Variants in JRK observed in about 807,000 individuals in gnomAD.
JRK encodes the protein Jrk helix-turn-helix protein, also known as jerky protein homolog.
For missense variants in JRK, 720 were observed against 509.2 expected (o/e 1.41, Z -3.98); for synonymous variants, 303 against 218.1 (o/e 1.39, Z -3.43).
the JRK span, among the ~76,000 whole-genome samples, chr8:142,648,295 C>T: frequency 6.6e-6 from 1 of 152,226 alleles, no homozygotes; most frequent in African/African-American, 2.4e-5. Context: ...TGTTAATCCC[C>T]AAGACAATGG....
At position 142,661,394 on chromosome 8, in the gene JRK, G is replaced by A. The variant is rs1467898637; in HGVS notation, c.*2958C>T. ...TCCCAGAGTGGAGGCTGCCTGTCCC[G>A]AGTGAGGACACAGGAGCGCCCTCAG... On this transcript the variant is annotated 3_prime_UTR_variant, in exon 2 of 2. Transcript: ENST00000612905. 7 of 985,344 alleles carry A rather than the reference G, an allele frequency of 7.1e-6. No individual in the cohort carries two copies. The highest frequency in any genetic ancestry group is 3.5e-5 in the African/African-American group (2 of 57,246). The allele number at this position is 985,344 out of a possible 1,614,324, so 61.0% of individuals were successfully genotyped here.
chr8:142,656,355 AG>A (rs1554633644), downstream of JRK, among the ~76,000 whole-genome samples: 1 of 152,196 alleles, frequency 6.6e-6, no homozygotes. Flanking sequence ...AGCACAGCCT[AG>A]GTTATGCCCT....
chr8:142,662,548 G>GA lies in JRK; in HGVS notation c.*1803_*1804insT. ...AGACAATGGGACACAAATGGGAACT[G>GA]GGACTGTCGTTCAGCACCGAGATCT... On this transcript the variant is annotated 3_prime_UTR_variant, in exon 2 of 2. Transcript: ENST00000612905. 1.0e-6 allele frequency: 1 copy of GA among 985,390 alleles called. No homozygotes were observed. Among genetic ancestry groups the GA allele is most frequent in the East Asian group, 1.1e-4 (1 of 8,806 alleles). The allele number at this position is 985,390 out of a possible 1,614,324, so 61.0% of individuals were successfully genotyped here. A position where few individuals can be genotyped will look rare whatever the true frequency, so the allele number is the denominator to read the frequency against.
the JRK span, among the ~76,000 whole-genome samples, chr8:142,650,701 A>G: frequency 6.6e-6 from 1 of 152,210 alleles, no homozygotes; most frequent in South Asian, 2.1e-4. Flanking sequence ...TAAGTCCATG[A>G]AACCTCTTTC....
rs182471421 is a variant in JRK, at chr8:142,669,532, G to A, written c.-463+400C>T. Reference sequence around the variant, plus strand: ...CAAGAACAAGAACAAAAACAGAAATGGAGAAAAAAAAGTCTCGGTCTGGTT... The same window carrying A: ...CAAGAACAAGAACAAAAACAGAAATAGAGAAAAAAAAGTCTCGGTCTGGTT... On this transcript the variant is annotated intron_variant, in intron 1 of 1. Coordinates refer to ENST00000612905, the MANE Select transcript of JRK (RefSeq NM_003724.4). Among the ~76,000 whole-genome samples the A allele has an allele frequency of 1.3e-3, 201 of 152,134 alleles. 1 individual carries two copies. The highest frequency in any genetic ancestry group is 4.7e-3 in the African/African-American group (194 of 41,532).
At chr8:142,647,466 T>G in the JRK span, among the ~76,000 whole-genome samples, 1 of 152,166 alleles carries the variant, frequency 6.6e-6, no homozygotes, top group Admixed American at 6.5e-5. Context: ...AATTGAATCA[T>G]GAGGCACGTC....
the JRK span, among the ~76,000 whole-genome samples, chr8:142,648,648 G>A: frequency 6.6e-6 from 1 of 152,274 alleles, no homozygotes; most frequent in Non-Finnish European, 1.5e-5. Context: ...GAAGTTTGCT[G>A]CAGGGGTGGG....
In JRK at chr8:142,665,390, G is replaced by A. The variant is rs1323645781; in HGVS notation, c.669C>T (p.Asn223=). Residue 223 remains asparagine (N), a synonymous_variant, in exon 2 of 2, where the codon AAC becomes AAT. Transcript: ENST00000612905. The part of the protein sequence containing the change: ...KDRLTVLMCA[N]ATGSHRLKPL... Reference sequence around the variant, plus strand: ...GCTTGAGCCTGTGGGAGCCCGTGGCGTTGGCACACATCAGCACGGTCAGCC... The same window carrying A: ...GCTTGAGCCTGTGGGAGCCCGTGGCATTGGCACACATCAGCACGGTCAGCC... The A allele has an allele frequency of 2.6e-5, 19 of 717,502 alleles. 1 individual carries two copies. The highest frequency in any genetic ancestry group is 1.0e-4 in the South Asian group (7 of 67,602). 44.4% of individuals were successfully genotyped at this position (717,502 alleles called of 1,614,324 possible).
At chr8:142,649,521 G>C in the JRK span, among the ~76,000 whole-genome samples, 135,261 of 152,298 alleles carry the variant, frequency 0.89, 60,492 homozygotes, top group African/African-American at 0.97. Context: ...CTTGCTCCTC[G>C]TTCCATTCCC....
At chr8:142,646,207 A>G in the JRK span, among the ~76,000 whole-genome samples, 18 of 152,224 alleles carry the variant, frequency 1.2e-4, no homozygotes, top group Non-Finnish European at 1.5e-5. Context: ...GCCACTGCAA[A>G]ATTATTACTA....
rs1587513182 is a variant in JRK at position 142,658,197 on chromosome 8, C to A, written c.*6155G>T. On this transcript the variant is annotated 3_prime_UTR_variant, in exon 2 of 2. Transcript: ENST00000612905. ...GCCTGGACCTGAAGCAGGCTGGAAC[C>A]TCTGTTCTCTCCTTACTGCCTGTCT... is the stretch of plus-strand genomic sequence containing the variant. 1 of 152,450 alleles carries A rather than the reference C, an allele frequency of 6.6e-6. No homozygotes were observed. The highest frequency in any genetic ancestry group is 1.9e-4 in the East Asian group (1 of 5,184). 9.4% of individuals were successfully genotyped at this position (152,450 alleles called of 1,614,324 possible). A position where few individuals can be genotyped will look rare whatever the true frequency, so the allele number is the denominator to read the frequency against.
At position 142,662,751 on chromosome 8, in the gene JRK, A is replaced by G. The variant is rs188982193; in HGVS notation, c.*1601T>C. On this transcript the variant is annotated 3_prime_UTR_variant, in exon 2 of 2. Transcript: ENST00000612905. Reference sequence around the variant, plus strand: ...TCTCCTTCATGAGAACAGAGGTTTCAGTGGAATCAACAGCAGACGCTGGAA... The same window carrying G: ...TCTCCTTCATGAGAACAGAGGTTTCGGTGGAATCAACAGCAGACGCTGGAA... 3 of 985,522 alleles carry G rather than the reference A, an allele frequency of 3.0e-6. No individual in the cohort carries two copies. Among genetic ancestry groups the G allele is most frequent in the African/African-American group, 3.5e-5 (2 of 57,370 alleles). The allele number at this position is 985,522 out of a possible 1,614,324, so 61.0% of individuals were successfully genotyped here.
In JRK at chr8:142,663,319, TAC is replaced by T; in HGVS notation, c.*1031_*1032del. 1.0e-6 allele frequency: 1 copy of T among 985,420 alleles called. No individual in the cohort carries two copies. Among genetic ancestry groups the T allele is most frequent in the Non-Finnish European group, 1.2e-6 (1 of 829,936 alleles). 61.0% of individuals were successfully genotyped at this position (985,420 alleles called of 1,614,324 possible). A position where few individuals can be genotyped will look rare whatever the true frequency, so the allele number is the denominator to read the frequency against. ...CATGGAGAAAATAACCACATCCTCT[TAC>T]AACCGCCTCTGTGAAAACTGACCAG... On this transcript the variant is annotated 3_prime_UTR_variant, in exon 2 of 2. Coordinates refer to ENST00000612905, the MANE Select transcript of JRK (RefSeq NM_003724.4).
At chr8:142,648,888 C>T in the JRK span, among the ~76,000 whole-genome samples, 1 of 152,236 alleles carries the variant, frequency 6.6e-6, no homozygotes, top group East Asian at 1.9e-4. Flanking sequence ...CTGTACCCTG[C>T]AAAGCCACAA....
rs902483856 is a variant in JRK, at chr8:142,663,585, C to T, written c.*767G>A. The T allele has an allele frequency of 7.1e-6, 7 of 985,364 alleles. No individual in the cohort carries two copies. Among genetic ancestry groups the T allele is most frequent in the South Asian group, 4.7e-5 (1 of 21,292 alleles). The allele number at this position is 985,364 out of a possible 1,614,324, so 61.0% of individuals were successfully genotyped here. A position where few individuals can be genotyped will look rare whatever the true frequency, so the allele number is the denominator to read the frequency against. ...AAATGCCAAAATACCACACAGGGTCCGTGTCCTCTATCCGGGTGATGAGCA... is the reference window on the plus strand; with the variant it reads ...AAATGCCAAAATACCACACAGGGTCTGTGTCCTCTATCCGGGTGATGAGCA... On this transcript the variant is annotated 3_prime_UTR_variant, in exon 2 of 2. Transcript: ENST00000612905.
chr8:142,643,797 A>C, the JRK span, among the ~76,000 whole-genome samples: 1 of 152,248 alleles, frequency 6.6e-6, no homozygotes. Flanking sequence ...GTGTCCTCTT[A>C]TACATAAAAA....
Position 142,663,466 on chromosome 8 carries a change from T to G in JRK, c.*886A>C. On this transcript the variant is annotated 3_prime_UTR_variant, in exon 2 of 2. Transcript: ENST00000612905. ...GTTTTCAGTGACTTACGTGCAAACC[T>G]AAGACTAATCTCTGAATGTCTGATC... 2 of 985,448 alleles carry G rather than the reference T, an allele frequency of 2.0e-6. No homozygotes were observed. The highest frequency in any genetic ancestry group is 2.4e-6 in the Non-Finnish European group (2 of 829,926). 61.0% of individuals were successfully genotyped at this position (985,448 alleles called of 1,614,324 possible). A position where few individuals can be genotyped will look rare whatever the true frequency, so the allele number is the denominator to read the frequency against.
chr8:142,663,247 CAGTG>C lies in JRK; in HGVS notation c.*1101_*1104del, dbSNP rs1376955262. ...GGCGTTCTGGAATCTCAGCTGCAGGCAGTGAGTGTTGCCCGTGAAATGGAGATGC... is the reference window on the plus strand; with the variant it reads ...GGCGTTCTGGAATCTCAGCTGCAGGCAGTGTTGCCCGTGAAATGGAGATGC... On this transcript the variant is annotated 3_prime_UTR_variant, in exon 2 of 2. Transcript: ENST00000612905. 3 of 985,350 alleles carry C rather than the reference CAGTG, an allele frequency of 3.0e-6. No homozygotes were observed. The highest frequency in any genetic ancestry group is 1.2e-6 in the Non-Finnish European group (1 of 829,954). The allele number at this position is 985,350 out of a possible 1,614,324, so 61.0% of individuals were successfully genotyped here. A position where few individuals can be genotyped will look rare whatever the true frequency, so the allele number is the denominator to read the frequency against.
chr8:142,645,606 G>C, the JRK span, among the ~76,000 whole-genome samples: 2 of 152,068 alleles, frequency 1.3e-5, no homozygotes, highest in Admixed American at 6.5e-5. Flanking sequence ...CATGAACCCG[G>C]GAGGCGGAGC....
Sources: allele counts gnomAD v4.1 joint callset (sites outside exome capture counted in the v4.1 genomes callset), GRCh38; gene constraint gnomAD v4.1.1; transcripts MANE v1.5; gene names NCBI Gene and HGNC (gene_info 2026-07-23, HGNC 2026-07-21).